GLIS3: variants seen among roughly 807,000 people sequenced by gnomAD.
The protein encoded by GLIS3 is zinc finger protein GLIS3.
Under a neutral mutation model 78.6 loss-of-function variants are expected in GLIS3, and 53 were observed. That is an observed-to-expected ratio of 0.67 (90% CI 0.54 to 0.85). The LOEUF is 0.85. Among genes scored for constraint, GLIS3 ranks in the 40% least tolerant of loss-of-function variants. The pLI is 0.00. For missense variants in GLIS3, 1,703 were observed against 1,231.1 expected (o/e 1.38, Z -5.74); for synonymous variants, 684 against 509.9 (o/e 1.34, Z -4.60).
the GLIS3 span, among the ~76,000 whole-genome samples, chr9:4,475,063 G>A: frequency 1.4e-5 from 2 of 139,468 alleles, no homozygotes; most frequent in Admixed American, 8.1e-5. Context: ...GCATGATCTC[G>A]GCTCACTGCA....
intron 2 of GLIS3, among the ~76,000 whole-genome samples, chr9:4,345,729 C>A (rs1817889198): frequency 6.6e-6 from 1 of 152,060 alleles, no homozygotes; most frequent in Non-Finnish European, 1.5e-5. Flanking sequence ...AATTTAAAAG[C>A]CAAAGTTACA....
intron 2 of GLIS3, among the ~76,000 whole-genome samples, chr9:4,326,097 C>T (rs10974461): frequency 0.28 from 42,251 of 151,924 alleles, 7,577 homozygotes; most frequent in African/African-American, 0.51. Context: ...AGCTAATGGA[C>T]GCTGGGCTTA....
the GLIS3 span, among the ~76,000 whole-genome samples, chr9:4,478,898 A>G: frequency 2.9e-3 from 449 of 152,326 alleles, 2 homozygotes; most frequent in African/African-American, 0.011. Flanking sequence ...CCACTGTTCA[A>G]TCTTAGCATT....
chr9:4,006,211 C>T (rs556481768), intron 4 of GLIS3, among the ~76,000 whole-genome samples: 7 of 150,856 alleles, frequency 4.6e-5, no homozygotes, highest in Admixed American at 1.3e-4. Context: ...CTCTTTTTCA[C>T]GCTCCTTGCC....
At chr9:4,208,358 G>C (rs1218301613) in intron 2 of GLIS3, among the ~76,000 whole-genome samples, 2 of 152,222 alleles carry the variant, frequency 1.3e-5, no homozygotes, top group Non-Finnish European at 2.9e-5. Flanking sequence ...CTGATCTTCA[G>C]TGGGCACATC....
At chr9:4,159,278 G>C (rs1202329098) in intron 2 of GLIS3, among the ~76,000 whole-genome samples, 1 of 152,198 alleles carries the variant, frequency 6.6e-6, no homozygotes, top group Admixed American at 6.5e-5. Context: ...ACACTGGAGA[G>C]TTTTCTCGCA....
At chr9:3,853,968 CTGCCAATTATATGA>C (rs1197129937) in intron 9 of GLIS3, among the ~76,000 whole-genome samples, 7 of 152,342 alleles carry the variant, frequency 4.6e-5, no homozygotes, top group Admixed American at 1.3e-4. Context: ...AGAAAAATCA[CTGCCAATTATATGA>C]TGCCACTGTG....
chr9:4,164,617 T>G (rs1158340389), intron 2 of GLIS3, among the ~76,000 whole-genome samples: 1 of 152,204 alleles, frequency 6.6e-6, no homozygotes, highest in East Asian at 1.9e-4. Context: ...AAGTGACATC[T>G]TAACCATGGC....
intron 4 of GLIS3, among the ~76,000 whole-genome samples, chr9:4,048,364 G>C (rs1825426268): frequency 6.6e-6 from 1 of 152,130 alleles, no homozygotes; most frequent in African/African-American, 2.4e-5. Context: ...GGATCCTGCT[G>C]GAAACTTATT....
chr9:4,217,676 T>C (rs1433133758), intron 2 of GLIS3, among the ~76,000 whole-genome samples: 1 of 152,206 alleles, frequency 6.6e-6, no homozygotes, highest in African/African-American at 2.4e-5. Context: ...TGTGGTTTAA[T>C]TTACCTGTCA....
At chr9:4,136,682 T>C (rs544281556) in intron 2 of GLIS3, among the ~76,000 whole-genome samples, 3 of 152,128 alleles carry the variant, frequency 2.0e-5, no homozygotes, top group East Asian at 1.9e-4. Context: ...TAGTAGGGTG[T>C]AGACACAGAA....
chr9:3,906,138 T>A (rs1275236651), intron 6 of GLIS3, among the ~76,000 whole-genome samples: 2 of 152,066 alleles, frequency 1.3e-5, no homozygotes, highest in Non-Finnish European at 2.9e-5. Flanking sequence ...TTGCCAGAGG[T>A]CAGATCATGT....
intron 4 of GLIS3, among the ~76,000 whole-genome samples, chr9:4,044,672 C>G (rs1248694688): frequency 6.6e-6 from 1 of 152,186 alleles, no homozygotes; most frequent in African/African-American, 2.4e-5. Flanking sequence ...GAACCACTAC[C>G]TCAGAAAGAG....
At chr9:4,297,411 T>G (rs1816636823) in intron 1 of GLIS3, among the ~76,000 whole-genome samples, 1 of 152,194 alleles carries the variant, frequency 6.6e-6, no homozygotes, top group Non-Finnish European at 1.5e-5. Flanking sequence ...CAGGGTCCAC[T>G]CTAGCTTTAA....
At chr9:4,418,991 G>C in the GLIS3 span, among the ~76,000 whole-genome samples, 4 of 152,284 alleles carry the variant, frequency 2.6e-5, no homozygotes, top group African/African-American at 9.6e-5. Flanking sequence ...AAACCGAATT[G>C]CTGAATCTTT....
intron 9 of GLIS3, among the ~76,000 whole-genome samples, chr9:3,836,428 T>C (rs1021807088): frequency 6.6e-6 from 1 of 152,242 alleles, no homozygotes; most frequent in African/African-American, 2.4e-5. Flanking sequence ...TGCAGGGACA[T>C]GTAGAAGCAT....
At chr9:4,439,182 T>C in the GLIS3 span, among the ~76,000 whole-genome samples, 5 of 152,340 alleles carry the variant, frequency 3.3e-5, no homozygotes, top group South Asian at 2.1e-4. Flanking sequence ...CCTGTAAGTA[T>C]AAAATTTTTG....
chr9:4,355,371 G>T, the GLIS3 span, among the ~76,000 whole-genome samples: 29 of 152,126 alleles, frequency 1.9e-4, no homozygotes, highest in African/African-American at 6.5e-4. Context: ...ATATAGAGGG[G>T]TAAGCACATG....
chr9:4,076,706 C>G (rs1204905061), intron 4 of GLIS3, among the ~76,000 whole-genome samples: 1 of 151,980 alleles, frequency 6.6e-6, no homozygotes, highest in Non-Finnish European at 1.5e-5. Context: ...TCTGTGATGC[C>G]ACTTCATAGC....
Sources: allele counts gnomAD v4.1 joint callset (sites outside exome capture counted in the v4.1 genomes callset), GRCh38; gene constraint gnomAD v4.1.1; transcripts MANE v1.5; gene names NCBI Gene and HGNC (gene_info 2026-07-23, HGNC 2026-07-21).